Variants in FRMD4B observed in about 807,000 individuals in gnomAD.
FRMD4B encodes FERM domain containing 4B, also known as FERM domain-containing protein 4B.
In FRMD4B, 74 loss-of-function variants were observed where a neutral mutation model predicts 141.5. That is an observed-to-expected ratio of 0.52 (90% CI 0.43 to 0.63). The LOEUF (loss-of-function observed/expected upper bound fraction) is 0.63, where lower values mean the gene tolerates loss of function less well. FRMD4B is among the 30% of genes least tolerant of loss of function. The pLI is 0.00. For synonymous variants in FRMD4B, 506 were observed against 467.9 expected (o/e 1.08, Z -1.05); for missense variants, 1,366 against 1,253.4 (o/e 1.09, Z -1.36).
chr3:69,367,182 T>C (rs972221539), intron 1 of FRMD4B, among the ~76,000 whole-genome samples: 1 of 152,144 alleles, frequency 6.6e-6, no homozygotes. Flanking sequence ...CCAGAAATGG[T>C]CTACACAAGA....
chr3:69,450,448 C>G (rs1279817446), intron 1 of FRMD4B, among the ~76,000 whole-genome samples: 2 of 151,820 alleles, frequency 1.3e-5, no homozygotes, highest in South Asian at 4.2e-4. Flanking sequence ...GAGTGAGACG[C>G]TGTCTCAAAA....
chr3:69,289,974 A>G (rs1270962016), intron 4 of FRMD4B, among the ~76,000 whole-genome samples: 1 of 152,106 alleles, frequency 6.6e-6, no homozygotes, highest in Non-Finnish European at 1.5e-5. Context: ...ACTTCTCCAG[A>G]GCACTTCCTA....
In FRMD4B at chr3:69,532,268, T is replaced by C. The variant is rs137977332; in HGVS notation, c.-129+9938A>G. Among the ~76,000 whole-genome samples, 1,486 of 152,348 alleles carry C rather than the reference T, an allele frequency of 9.8e-3. 30 individuals carry two copies. Among genetic ancestry groups the C allele is most frequent in the African/African-American group, 0.034 (1,429 of 41,570 alleles). ...GTCTAAATACTAAAAGGTTATTTGA[T>C]ATGACAAGTTACAACAAATACCACT... On this transcript the variant is annotated intron_variant, in intron 1 of 5. Transcript: ENST00000459638.
intron 11 of FRMD4B, among the ~76,000 whole-genome samples, chr3:69,207,019 T>C (rs996723302): frequency 2.0e-5 from 3 of 152,112 alleles, no homozygotes; most frequent in African/African-American, 7.2e-5. Context: ...TAAAGAAACT[T>C]TGGACAAGCA....
chr3:69,537,525 T>C (rs558837853), intron 1 of FRMD4B, among the ~76,000 whole-genome samples: 3 of 152,214 alleles, frequency 2.0e-5, no homozygotes, highest in Non-Finnish European at 4.4e-5. Context: ...TGCACATAAA[T>C]GAAAACAGGA....
intron 5 of FRMD4B, among the ~76,000 whole-genome samples, chr3:69,271,288 T>C (rs991843764): frequency 5.3e-5 from 8 of 152,232 alleles, no homozygotes; most frequent in African/African-American, 1.9e-4. Context: ...AGTGAACAAA[T>C]AATTCAGCCT....
chr3:69,349,885 A>G (rs1178560845), intron 1 of FRMD4B, among the ~76,000 whole-genome samples: 1 of 152,190 alleles, frequency 6.6e-6, no homozygotes, highest in Non-Finnish European at 1.5e-5. Flanking sequence ...AAGAAAACCT[A>G]GGCAATACCA....
At chr3:69,445,852 G>A (rs532085267) in intron 1 of FRMD4B, among the ~76,000 whole-genome samples, 3 of 152,068 alleles carry the variant, frequency 2.0e-5, no homozygotes, top group South Asian at 2.1e-4. Flanking sequence ...TTTCTGTCTG[G>A]TCCTGAAATT....
At chr3:69,413,469 A>G (rs984083054) in intron 2 of FRMD4B, among the ~76,000 whole-genome samples, 18 of 152,180 alleles carry the variant, frequency 1.2e-4, no homozygotes, top group Non-Finnish European at 2.9e-5. Flanking sequence ...GCAATTAGGC[A>G]CACTAAATGT....
intron 5 of FRMD4B, among the ~76,000 whole-genome samples, chr3:69,287,480 G>A (rs1426873320): frequency 6.6e-6 from 1 of 152,186 alleles, no homozygotes; most frequent in Non-Finnish European, 1.5e-5. Flanking sequence ...GTCTTTCTGG[G>A]TCACTCTGTG....
intron 2 of FRMD4B, among the ~76,000 whole-genome samples, chr3:69,396,269 G>A (rs1704471835): frequency 6.6e-6 from 1 of 152,182 alleles, no homozygotes; most frequent in African/African-American, 2.4e-5. Context: ...CACTCTGGGA[G>A]GCCGAGGTGG....
rs564872793 is a variant in FRMD4B at position 69,256,088 on chromosome 3, C to A, written c.502-5989G>T. Among the ~76,000 whole-genome samples the A allele has an allele frequency of 4.0e-5, 6 of 148,478 alleles. No homozygotes were observed. The South Asian group carries it at 1.1e-3, about 28-fold the overall frequency. ...CTCCAGCCTGGGTGACACGGTGAGA[C>A]CTGTCCTTAAAAAAAATAAAAGGTT... is the stretch of plus-strand genomic sequence containing the variant. On this transcript the variant is annotated intron_variant, in intron 5 of 22. Coordinates refer to ENST00000398540, the MANE Select transcript of FRMD4B (RefSeq NM_015123.3).
At chr3:69,368,681 T>C (rs7639924) in intron 1 of FRMD4B, among the ~76,000 whole-genome samples, 143,285 of 152,282 alleles carry the variant, frequency 0.94, 68,055 homozygotes, top group East Asian at 1. Flanking sequence ...GCCAATAATG[T>C]GGGAGCTTCA....
chr3:69,487,691 G>C (rs1706239169), intron 1 of FRMD4B, among the ~76,000 whole-genome samples: 1 of 152,210 alleles, frequency 6.6e-6, no homozygotes. Context: ...AAATATCCAG[G>C]AAGACTTTTG....
At chr3:69,459,133 C>T (rs1447199008) in intron 1 of FRMD4B, among the ~76,000 whole-genome samples, 4 of 152,192 alleles carry the variant, frequency 2.6e-5, no homozygotes, top group African/African-American at 4.8e-5. Context: ...TGATCCACTG[C>T]CTTTTTTCTT....
At chr3:69,393,364 C>T (rs985899707) in intron 2 of FRMD4B, among the ~76,000 whole-genome samples, 1 of 148,360 alleles carries the variant, frequency 6.7e-6, no homozygotes, top group African/African-American at 2.5e-5. Context: ...TGGTGTGAGA[C>T]TTTGTCTTGT....
At chr3:69,192,608 G>C (rs2092850523) in intron 17 of FRMD4B, among the ~76,000 whole-genome samples, 1 of 152,064 alleles carries the variant, frequency 6.6e-6, no homozygotes, top group Non-Finnish European at 1.5e-5. Flanking sequence ...ACATAATGTT[G>C]AGAACTTGGA....
intron 4 of FRMD4B, among the ~76,000 whole-genome samples, 170 bp downstream of exon 4, chr3:69,302,173 A>C (rs1701238041): frequency 6.6e-6 from 1 of 152,228 alleles, no homozygotes; most frequent in South Asian, 2.1e-4. Flanking sequence ...TGGTCCTCAG[A>C]CCAAGACAGT....
At chr3:69,333,997 G>C (rs1183880320) in intron 1 of FRMD4B, 1 of 152,176 alleles carries the variant, frequency 6.6e-6, no homozygotes, top group Non-Finnish European at 1.5e-5. Flanking sequence ...GGCTGAAAAA[G>C]GGTAAATCTC....
Sources: gnomAD v4.1 joint callset for allele counts (sites outside exome capture counted in the v4.1 genomes callset) on GRCh38, gnomAD v4.1.1 for gene constraint, MANE v1.5 for transcripts, NCBI Gene and HGNC (gene_info 2026-07-23, HGNC 2026-07-21) for gene names.